The following CTCF variants were observed in gnomAD, a reference collection of about 807,000 sequenced individuals.
The protein encoded by CTCF is transcriptional repressor CTCF.
Under a neutral mutation model 72.3 loss-of-function variants are expected in CTCF, and 7 were observed. The observed-to-expected ratio is 0.10, with a 90% CI of 0.06 to 0.18. CTCF has a LOEUF of 0.18. CTCF is among the 10% of genes least tolerant of loss of function. CTCF has a pLI of 1.00. For missense variants in CTCF, 516 were observed against 949.1 expected, an observed-to-expected ratio of 0.54 and a Z score of 6.00; for synonymous variants, 374 against 315.8, an observed-to-expected ratio of 1.18 and a Z score of -1.95.
chr16:67,569,124 C>A (rs1041395575), intron 1 of CTCF, among the ~76,000 whole-genome samples: 1 of 152,194 alleles, frequency 6.6e-6, no homozygotes. Context: ...CAGGCGTGAA[C>A]CACTGTGCCT....
At chr16:67,619,089 T>G (rs2052168884) in intron 5 of CTCF, among the ~76,000 whole-genome samples, 1 of 152,216 alleles carries the variant, frequency 6.6e-6, no homozygotes. Flanking sequence ...AAAGAATTAG[T>G]AACGCTGTTA....
At chr16:67,591,521 G>A (rs2051743700) in intron 2 of CTCF, among the ~76,000 whole-genome samples, 1 of 152,156 alleles carries the variant, frequency 6.6e-6, no homozygotes, top group Non-Finnish European at 1.5e-5. Context: ...TTGCTTTGAT[G>A]TATTTTAAGC....
At chr16:67,563,263 C>T (rs2051302357) in intron 1 of CTCF, 1 of 152,456 alleles carries the variant, frequency 6.6e-6, no homozygotes, top group Non-Finnish European at 1.5e-5. Flanking sequence ...CGGGCTGCCC[C>T]TCCTCCAGCC....
At chr16:67,613,880 A>T (rs186119012) in intron 4 of CTCF, among the ~76,000 whole-genome samples, 1 of 152,334 alleles carries the variant, frequency 6.6e-6, no homozygotes, top group East Asian at 1.9e-4. Flanking sequence ...CTTTGAAAGT[A>T]AGAGGTACAG....
chr16:67,608,425 T>C (rs1022463166), intron 2 of CTCF, among the ~76,000 whole-genome samples: 13 of 152,106 alleles, frequency 8.5e-5, no homozygotes, highest in Non-Finnish European at 1.3e-4. Context: ...GTCAAGTTGA[T>C]GGTATGACAT....
chr16:67,611,274 G>T lies in CTCF; in HGVS notation c.442G>T (p.Ala148Ser). 6.2e-7 allele frequency: 1 copy of T among 1,614,152 alleles called. No individual in the cohort carries two copies. The highest frequency in any genetic ancestry group is 8.5e-7 in the Non-Finnish European group (1 of 1,180,030). ...AAATGAAGTGTCTAAAGAGGGCCTT[G>T]CGGAAAGTGAACCCATGATATGCCA... is the stretch of plus-strand genomic sequence containing the variant. ...YENEVSKEGL[A>S]ESEPMICHTL... The change falls in exon 3 of 12, where the codon GCG becomes TCG. Residue 148 changes from alanine (A) to serine (S), a missense_variant. Around this residue, in one of 7 missense-constraint regions of CTCF, gnomAD observed 148 missense variants for 194.9 expected, o/e 0.76. Transcript: ENST00000264010.
intron 7 of CTCF, among the ~76,000 whole-genome samples, chr16:67,624,071 A>ATGTGTGTGTGTGTGTGTG (rs58387336): frequency 1.6e-4 from 19 of 117,574 alleles, no homozygotes; most frequent in Admixed American, 4.8e-4. Flanking sequence ...AAAATTATAT[A>ATGTGTGTGTGTGTGTGTG]TGTGTGTGTG....
intron 1 of CTCF, among the ~76,000 whole-genome samples, chr16:67,564,142 G>A (rs567488241): frequency 1.4e-4 from 21 of 152,214 alleles, no homozygotes; most frequent in Non-Finnish European, 2.5e-4. Flanking sequence ...GGTGGGAAAG[G>A]AAGTTAAACA....
intron 2 of CTCF, among the ~76,000 whole-genome samples, chr16:67,572,979 G>A (rs113282006): frequency 0.042 from 5,595 of 134,184 alleles, 128 homozygotes; most frequent in Middle Eastern, 0.064. Flanking sequence ...AAGACTGGGC[G>A]CGGTGGCTCA....
intron 7 of CTCF, among the ~76,000 whole-genome samples, chr16:67,624,297 C>T (rs746684419): frequency 6.6e-6 from 1 of 151,724 alleles, no homozygotes; most frequent in Non-Finnish European, 1.5e-5. Context: ...CTCATCTTTC[C>T]CTCTTGTCTG....
chr16:67,587,774 A>G (rs1022792699), intron 2 of CTCF, among the ~76,000 whole-genome samples: 4 of 152,178 alleles, frequency 2.6e-5, no homozygotes, highest in Non-Finnish European at 5.9e-5. Flanking sequence ...AAAGGGGGAA[A>G]AAGACAAAAG....
intron 2 of CTCF, among the ~76,000 whole-genome samples, chr16:67,583,747 A>G (rs1267709929): frequency 1.3e-5 from 2 of 151,982 alleles, no homozygotes; most frequent in Non-Finnish European, 2.9e-5. Context: ...AGTAAGCAAG[A>G]GTATACAGTG....
chr16:67,571,299 T>C (rs948489309), intron 2 of CTCF, 35 bp downstream of exon 2: 3 of 152,556 alleles, frequency 2.0e-5, no homozygotes. Context: ...ATCTTAAAAA[T>C]GGTAGTAATA....
intron 2 of CTCF, among the ~76,000 whole-genome samples, chr16:67,584,342 T>C (rs1356462457): frequency 4.8e-5 from 7 of 144,800 alleles, no homozygotes; most frequent in African/African-American, 1.6e-4. Flanking sequence ...GTCTTCTTTT[T>C]TTTTTTTTTT....
intron 2 of CTCF, among the ~76,000 whole-genome samples, chr16:67,607,561 C>T (rs1038981679): frequency 6.6e-6 from 1 of 151,988 alleles, no homozygotes; most frequent in African/African-American, 2.4e-5. Context: ...CAGCCTTGGC[C>T]TCCCAAAGTG....
intron 5 of CTCF, 129 bp downstream of exon 5, chr16:67,617,007 C>T (rs2052140037): frequency 1.1e-6 from 1 of 873,466 alleles, no homozygotes; most frequent in Non-Finnish European, 1.8e-6. Context: ...TTAACACTCC[C>T]ACACAACACC....
intron 2 of CTCF, among the ~76,000 whole-genome samples, chr16:67,577,654 C>T (rs1282473490): frequency 2.6e-5 from 4 of 151,584 alleles, no homozygotes; most frequent in African/African-American, 9.7e-5. Context: ...ACTGTGTTAG[C>T]CAGGATGGTC....
At position 67,604,730 on chromosome 16, in the gene CTCF, G is replaced by GTTTTTT. The variant is rs533827293; in HGVS notation, c.-9-6085_-9-6080dup. The stretch of plus-strand genomic sequence containing the variant: ...GATTACTAAAATTAATTTCACCAGG[G>GTTTTTT]TTTTTTTTTTTTTTGTTTTTTGTTT... On this transcript the variant is annotated intron_variant, in intron 2 of 11. Transcript: ENST00000264010. 1.6e-3 allele frequency among the ~76,000 whole-genome samples: 193 copies of GTTTTTT among 123,592 alleles called. 3 individuals are homozygous for GTTTTTT. Among genetic ancestry groups the GTTTTTT allele is most frequent in the Middle Eastern group, 4.5e-3 (1 of 224 alleles). The allele number at this position is 123,592 out of a possible 152,430, so 81.1% of individuals were successfully genotyped here. A position where few individuals can be genotyped will look rare whatever the true frequency, so the allele number is the denominator to read the frequency against.
intron 2 of CTCF, among the ~76,000 whole-genome samples, chr16:67,608,005 C>G (rs191158353): frequency 1.6e-5 from 2 of 127,284 alleles, no homozygotes; most frequent in Non-Finnish European, 3.1e-5. Flanking sequence ...GGCGACAGTG[C>G]GAGACTCCGA....
Sources: gnomAD v4.1 joint callset for allele counts (sites outside exome capture counted in the v4.1 genomes callset) on GRCh38, gnomAD v4.1.1 for gene constraint, gnomAD v4.1.1 regional missense constraint, MANE v1.5 for transcripts, NCBI Gene and HGNC (gene_info 2026-07-23, HGNC 2026-07-21) for gene names.